ZNF787: variants seen among roughly 807,000 people sequenced by gnomAD.
ZNF787 encodes zinc finger protein 787.
A neutral mutation model predicts 16.9 loss-of-function variants in ZNF787; 7 were observed. That is an observed-to-expected ratio of 0.42 (90% CI 0.24 to 0.78). ZNF787 has a LOEUF of 0.78. ZNF787 is among the 30% of genes least tolerant of loss of function. The probability of loss-of-function intolerance (pLI) is 0.30; values close to 1 mark genes in which losing one functional copy is unlikely to be tolerated. For missense variants in ZNF787, 551 were observed against 589.3 expected, an observed-to-expected ratio of 0.94 and a Z score of 0.67; for synonymous variants, 345 against 270.9, an observed-to-expected ratio of 1.27 and a Z score of -2.69.
intron 1 of ZNF787, among the ~76,000 whole-genome samples, chr19:56,106,088 C>A (rs938591511): frequency 1.3e-5 from 2 of 150,704 alleles, no homozygotes; most frequent in African/African-American, 2.4e-5. Context: ...AGTCACCGCG[C>A]ATTCCCCCTT....
chr19:56,092,524 G>A, intron 2 of ZNF787, among the ~76,000 whole-genome samples: 1 of 58,310 alleles, frequency 1.7e-5, no homozygotes, highest in South Asian at 8.6e-4. Context: ...ATCTGGAAAT[G>A]CTTTTTTTTT....
chr19:56,090,005 G>A (rs557082292), intron 2 of ZNF787, among the ~76,000 whole-genome samples: 2 of 152,264 alleles, frequency 1.3e-5, no homozygotes, highest in Admixed American at 1.3e-4. Flanking sequence ...GAGGGCCTCA[G>A]CAAGTGCATC....
chr19:56,110,660 C>T (rs1326679301), intron 1 of ZNF787, among the ~76,000 whole-genome samples: 2 of 152,208 alleles, frequency 1.3e-5, no homozygotes, highest in Admixed American at 1.3e-4. Context: ...TCCAGTGAAA[C>T]TCTATCACAT....
chr19:56,117,577 C>T (rs1436461255), intron 1 of ZNF787, among the ~76,000 whole-genome samples: 1 of 152,258 alleles, frequency 6.6e-6, no homozygotes, highest in South Asian at 2.1e-4. Flanking sequence ...ACACCTGAGT[C>T]GGCCAGCTGC....
intron 1 of ZNF787, among the ~76,000 whole-genome samples, chr19:56,116,662 T>A (rs8106195): frequency 0.015 from 2,320 of 152,108 alleles, 61 homozygotes; most frequent in African/African-American, 0.052. Flanking sequence ...CCACCTTACA[T>A]TCTGTGACCC....
At chr19:56,093,595 T>C (rs1985747707) in intron 2 of ZNF787, among the ~76,000 whole-genome samples, 1 of 152,134 alleles carries the variant, frequency 6.6e-6, no homozygotes, top group South Asian at 2.1e-4. Context: ...CCTGGTCAGT[T>C]GTCTGAGGCT....
intron 1 of ZNF787, among the ~76,000 whole-genome samples, chr19:56,113,271 C>A (rs1409447721): frequency 6.6e-6 from 1 of 152,112 alleles, no homozygotes; most frequent in African/African-American, 2.4e-5. Flanking sequence ...TGGGGAGACC[C>A]CCATTGCTGG....
chr19:56,087,888 A>AGGAGGGC lies in ZNF787; in HGVS notation c.*128_*134dup. 1 of 1,260,198 alleles carries AGGAGGGC rather than the reference A, an allele frequency of 7.9e-7. No individual in the cohort carries two copies. 78.1% of individuals were successfully genotyped at this position (1,260,198 alleles called of 1,614,324 possible). A position where few individuals can be genotyped will look rare whatever the true frequency, so the allele number is the denominator to read the frequency against. ...CCCCCCACGGACGGCGCAGGGACAGAGGAGGGCGGGGAGCCGGGGATGCCG... is the reference window on the plus strand; with the variant it reads ...CCCCCCACGGACGGCGCAGGGACAGAGGAGGGCGGAGGGCGGGGAGCCGGGGATGCCG... On this transcript the variant is annotated 3_prime_UTR_variant, in exon 3 of 3. Transcript: ENST00000610935.
In ZNF787 at chr19:56,087,986, G is replaced by A. The variant is rs1221977323; in HGVS notation, c.*37C>T. The A allele has an allele frequency of 7.7e-6, 10 of 1,292,182 alleles. No individual in the cohort carries two copies. Among genetic ancestry groups the A allele is most frequent in the East Asian group, 3.6e-5 (1 of 27,958 alleles). 80.0% of individuals were successfully genotyped at this position (1,292,182 alleles called of 1,614,324 possible). On this transcript the variant is annotated 3_prime_UTR_variant, in exon 3 of 3. Coordinates refer to ENST00000610935, the MANE Select transcript of ZNF787 (RefSeq NM_001002836.4). ...GCACGTCGTCGCTCCCGCCAAGCCC[G>A]AGGGGCCCTGCCCGCCCCCCCCCCC...
At chr19:56,102,866 A>T in intron 2 of ZNF787, 1 of 702,304 alleles carries the variant, frequency 1.4e-6, no homozygotes. Flanking sequence ...CCCAGGCTGG[A>T]GGGGCAAGGA....
chr19:56,113,287 G>C (rs667974), intron 1 of ZNF787, among the ~76,000 whole-genome samples: 144,702 of 152,196 alleles, frequency 0.95, 69,443 homozygotes, highest in Middle Eastern at 1. Flanking sequence ...GCTGGTGCGG[G>C]CGCCATAGGA....
intron 2 of ZNF787, among the ~76,000 whole-genome samples, chr19:56,090,174 AC>A (rs1985518073): frequency 6.6e-6 from 1 of 151,490 alleles, no homozygotes; most frequent in Non-Finnish European, 1.5e-5. Flanking sequence ...GAGCCCAAAC[AC>A]CCTCCCAGAT....
chr19:56,088,431 G>A lies in ZNF787; in HGVS notation c.741C>T (p.Gly247=), dbSNP rs1003971525. 37 of 1,197,428 alleles carry A rather than the reference G, an allele frequency of 3.1e-5. No homozygotes were observed. Among genetic ancestry groups the A allele is most frequent in the Middle Eastern group, 6.7e-4 (2 of 2,964 alleles). The allele number at this position is 1,197,428 out of a possible 1,614,324, so 74.2% of individuals were successfully genotyped here. The change falls in exon 3 of 3, where the codon GGC becomes GGT. Residue 247 remains glycine, a synonymous_variant. Coordinates refer to ENST00000610935, the MANE Select transcript of ZNF787 (RefSeq NM_001002836.4). The surrounding 1 kb of genome is among the most constrained non-coding windows in gnomAD (Gnocchi z 8.6). ...CGGCCGCGGCCCCCTCGCCCGGCGC[G>A]CCCACCACGATGATGCCCTCGCCAT... ...VGDGEGIIVV[G]APGEGAAAAA... is the part of the protein sequence containing the mutation.
intron 2 of ZNF787, among the ~76,000 whole-genome samples, chr19:56,099,710 CAAA>C (rs10683508): frequency 9.4e-6 from 1 of 106,604 alleles, no homozygotes. Flanking sequence ...GGCTCCGTCT[CAAA>C]AAAAAAAAAA....
intron 2 of ZNF787, among the ~76,000 whole-genome samples, chr19:56,099,393 G>A (rs1034046508): frequency 5.9e-5 from 9 of 152,222 alleles, no homozygotes; most frequent in Admixed American, 5.2e-4. Flanking sequence ...ATTTCATGGA[G>A]CAGAGAGCTG....
intron 1 of ZNF787, among the ~76,000 whole-genome samples, chr19:56,109,332 A>G (rs1306493694): frequency 6.6e-6 from 1 of 152,012 alleles, no homozygotes; most frequent in African/African-American, 2.4e-5. Context: ...AGCAGATGCG[A>G]GAAGGGTGCT....
chr19:56,112,082 G>A lies in ZNF787; in HGVS notation c.-10-8855C>T, dbSNP rs569287351. Among the ~76,000 whole-genome samples, 11 of 152,246 alleles carry A rather than the reference G, an allele frequency of 7.2e-5. No individual in the cohort carries two copies. The South Asian group carries it at 1.7e-3, about 23-fold the overall frequency. On this transcript the variant is annotated intron_variant, in intron 1 of 2. Transcript: ENST00000610935. The stretch of plus-strand genomic sequence containing the variant: ...GGCCCTACCCCCAGGACCTCATGGC[G>A]GGGGCATGGGACCCTCACCCGCAGA...
chr19:56,094,980 G>A (rs762746363), intron 2 of ZNF787, among the ~76,000 whole-genome samples: 9 of 152,142 alleles, frequency 5.9e-5, no homozygotes, highest in Non-Finnish European at 8.8e-5. Flanking sequence ...TGAGTGTGGT[G>A]GTGTGTGCCC....
Position 56,087,995 on chromosome 19 carries a change from T to TTGGGG in ZNF787, c.*27_*28insCCCCA. On this transcript the variant is annotated 3_prime_UTR_variant, in exon 3 of 3. Coordinates refer to ENST00000610935, the MANE Select transcript of ZNF787 (RefSeq NM_001002836.4). ...CGCTCCCGCCAAGCCCGAGGGGCCCTGCCCGCCCCCCCCCCCGGGCCCCTC... is the reference window on the plus strand; with the variant it reads ...CGCTCCCGCCAAGCCCGAGGGGCCCTTGGGGGCCCGCCCCCCCCCCCGGGCCCCTC... 2.7e-6 allele frequency: 3 copies of TTGGGG among 1,106,466 alleles called. No individual in the cohort carries two copies. The highest frequency in any genetic ancestry group is 1.1e-4 in the East Asian group (2 of 18,352). 68.5% of individuals were successfully genotyped at this position (1,106,466 alleles called of 1,614,324 possible). A position where few individuals can be genotyped will look rare whatever the true frequency, so the allele number is the denominator to read the frequency against.
Sources: allele counts gnomAD v4.1 joint callset (sites outside exome capture counted in the v4.1 genomes callset), GRCh38; gene constraint gnomAD v4.1.1; non-coding constraint Gnocchi (gnomAD v3.1); transcripts MANE v1.5; gene names NCBI Gene and HGNC (gene_info 2026-07-23, HGNC 2026-07-21).